WWP1: variants seen among roughly 807,000 people sequenced by gnomAD.
The protein encoded by WWP1 is WW domain containing E3 ubiquitin protein ligase 1, also known as NEDD4-like E3 ubiquitin-protein ligase WWP1.
In WWP1, 49 loss-of-function variants were observed where a neutral mutation model predicts 130.6. The observed-to-expected ratio is 0.38, with a 90% confidence interval of 0.30 to 0.48. The LOEUF (loss-of-function observed/expected upper bound fraction) is 0.48. Among genes scored for constraint, WWP1 ranks in the 20% least tolerant of loss-of-function variants. WWP1 has a pLI of 0.99. For synonymous variants in WWP1, 332 were observed against 367.8 expected, an observed-to-expected ratio of 0.90 and a Z score of 1.11; for missense variants, 809 against 1,100.6, an observed-to-expected ratio of 0.74 and a Z score of 3.75.
At chr8:86,377,223 T>A (rs977305838) in intron 3 of WWP1, among the ~76,000 whole-genome samples, 8 of 151,874 alleles carry the variant, frequency 5.3e-5, no homozygotes, top group Admixed American at 3.9e-4. Flanking sequence ...ATAGCTGAGA[T>A]TACAGGTGCA....
chr8:86,463,526 A>G (rs1464624157), intron 24 of WWP1, among the ~76,000 whole-genome samples: 1 of 151,858 alleles, frequency 6.6e-6, no homozygotes, highest in African/African-American at 2.4e-5. Flanking sequence ...GGCTGGTCTC[A>G]AACTCTCCTC....
At chr8:86,408,937 A>C (rs986536225) in intron 8 of WWP1, among the ~76,000 whole-genome samples, 4 of 151,700 alleles carry the variant, frequency 2.6e-5, no homozygotes, top group African/African-American at 9.7e-5. Flanking sequence ...TTTTCTTCGG[A>C]TAGGTCTTGA....
intron 20 of WWP1, among the ~76,000 whole-genome samples, chr8:86,451,578 T>TG (rs1811181997): frequency 6.6e-6 from 1 of 151,422 alleles, no homozygotes; most frequent in South Asian, 2.1e-4. Context: ...GAAGAAAAGT[T>TG]GGAGTTGGAG....
intron 9 of WWP1, among the ~76,000 whole-genome samples, chr8:86,417,978 G>A (rs1021570716): frequency 2.0e-5 from 3 of 152,128 alleles, no homozygotes; most frequent in Non-Finnish European, 4.4e-5. Context: ...AGTAATGTCC[G>A]ATAGTGACAA....
At chr8:86,365,148 T>G (rs149359009) in intron 1 of WWP1, among the ~76,000 whole-genome samples, 9 of 152,310 alleles carry the variant, frequency 5.9e-5, no homozygotes, top group African/African-American at 2.2e-4. Context: ...AAAATTAATG[T>G]ATTAACTCCC....
intron 5 of WWP1, among the ~76,000 whole-genome samples, chr8:86,389,461 A>G (rs1482441818): frequency 6.6e-6 from 1 of 152,228 alleles, no homozygotes; most frequent in East Asian, 1.9e-4. Context: ...TTCAGAGAGC[A>G]CCAGGTTGGG....
At chr8:86,424,250 G>A (rs1311549552) in intron 9 of WWP1, among the ~76,000 whole-genome samples, 12 of 151,606 alleles carry the variant, frequency 7.9e-5, no homozygotes, top group African/African-American at 1.9e-4. Flanking sequence ...GACGATGGGC[G>A]GCCAGGCAGA....
intron 9 of WWP1, among the ~76,000 whole-genome samples, chr8:86,415,526 T>A (rs1808841025): frequency 6.6e-6 from 1 of 152,160 alleles, no homozygotes. Context: ...TGTTTTAAAA[T>A]TTTTTTAGAT....
intron 1 of WWP1, among the ~76,000 whole-genome samples, chr8:86,345,567 AC>A (rs542581161): frequency 1.4e-3 from 204 of 149,690 alleles, no homozygotes; most frequent in African/African-American, 4.8e-3. Flanking sequence ...TTGCCACCAC[AC>A]CCGGCTAATT....
rs137919097 is a variant in WWP1, at chr8:86,453,819, A to C, written c.2394+1140A>C. 1.6e-3 allele frequency among the ~76,000 whole-genome samples: 240 copies of C among 152,188 alleles called. 1 individual carries two copies. Among genetic ancestry groups the C allele is most frequent in the Non-Finnish European group, 4.9e-4 (33 of 68,002 alleles). On this transcript the variant is annotated intron_variant, in intron 21 of 24. Transcript: ENST00000517970. ...ATTTCCCTAATGATTAGTTATCAAG[A>C]ATTTTCTAAAGCTTATTTTCCCATA...
At chr8:86,461,701 T>C (rs1448990471) in intron 23 of WWP1, 73 bp from the exon 24 acceptor site, 9 of 1,149,582 alleles carry the variant, frequency 7.8e-6, no homozygotes, top group South Asian at 7.6e-5. Flanking sequence ...CAACATGTTC[T>C]ATTATTTAAG....
intron 14 of WWP1, among the ~76,000 whole-genome samples, chr8:86,433,587 G>T (rs1345563568): frequency 6.6e-6 from 1 of 151,646 alleles, no homozygotes; most frequent in East Asian, 1.9e-4. Flanking sequence ...CAAAAACCCA[G>T]CTCTACCTGT....
intron 24 of WWP1, among the ~76,000 whole-genome samples, chr8:86,466,438 T>G (rs1812142972): frequency 6.6e-6 from 1 of 152,082 alleles, no homozygotes; most frequent in Non-Finnish European, 1.5e-5. Flanking sequence ...AAATGACTGA[T>G]GAATGAGTGA....
intron 6 of WWP1, 36 bp from the exon 7 acceptor site, chr8:86,398,536 T>C: frequency 6.2e-7 from 1 of 1,611,382 alleles, no homozygotes; most frequent in Non-Finnish European, 8.5e-7. Context: ...GCAAGAAGTA[T>C]ATAAAAACCT....
intron 5 of WWP1, among the ~76,000 whole-genome samples, chr8:86,384,769 G>C (rs2130386280): frequency 6.6e-6 from 1 of 152,246 alleles, no homozygotes; most frequent in East Asian, 1.9e-4. Context: ...GGGAGGCTGA[G>C]GCAGGTGGAT....
intron 5 of WWP1, among the ~76,000 whole-genome samples, chr8:86,385,406 G>C (rs1445983830): frequency 6.6e-6 from 1 of 152,088 alleles, no homozygotes; most frequent in African/African-American, 2.4e-5. Flanking sequence ...TGAAAGAAGA[G>C]AACAGCGAAA....
At chr8:86,356,474 G>T (rs1457796281) in intron 1 of WWP1, among the ~76,000 whole-genome samples, 1 of 150,470 alleles carries the variant, frequency 6.6e-6, no homozygotes, top group Non-Finnish European at 1.5e-5. Context: ...AAAATCTTTG[G>T]TATTTGGTAT....
chr8:86,404,192 A>G (rs1379117840), intron 8 of WWP1, among the ~76,000 whole-genome samples: 1 of 152,218 alleles, frequency 6.6e-6, no homozygotes, highest in Non-Finnish European at 1.5e-5. Flanking sequence ...AAATGCACAT[A>G]TTCCAAAATT....
At chr8:86,374,231 G>T in intron 3 of WWP1, 111 bp downstream of exon 3, 1 of 842,666 alleles carries the variant, frequency 1.2e-6, no homozygotes, top group South Asian at 1.9e-5. Context: ...TCATACTATG[G>T]CATATTTGTT....
Sources: allele counts gnomAD v4.1 joint callset (sites outside exome capture counted in the v4.1 genomes callset), GRCh38; gene constraint gnomAD v4.1.1; transcripts MANE v1.5; gene names NCBI Gene and HGNC (gene_info 2026-07-23, HGNC 2026-07-21).